The following RALYL variants were observed in gnomAD, a reference collection of about 807,000 sequenced individuals.
The protein encoded by RALYL is RNA-binding Raly-like protein.
RALYL carries 29 observed loss-of-function variants against 35.1 expected under a neutral mutation model. That is an observed-to-expected ratio of 0.83 (90% confidence interval 0.61 to 1.13). The LOEUF is 1.13. Ranked by LOEUF, RALYL falls within the 50% of genes most tolerant of loss-of-function variation. The pLI is 0.00. For missense variants in RALYL, 359 were observed against 360.4 expected (o/e 1.00, Z 0.03); for synonymous variants, 120 against 127.6 (o/e 0.94, Z 0.40).
intron 2 of RALYL, among the ~76,000 whole-genome samples, chr8:84,671,802 C>CT (rs1833308241): frequency 1.3e-5 from 2 of 152,268 alleles, no homozygotes; most frequent in African/African-American, 4.8e-5. Flanking sequence ...GGAGGGGCTG[C>CT]TGGAAGGTCT....
At chr8:84,566,309 T>C (rs937399693) in intron 2 of RALYL, among the ~76,000 whole-genome samples, 5 of 151,384 alleles carry the variant, frequency 3.3e-5, no homozygotes, top group Non-Finnish European at 7.4e-5. Context: ...ATTCAAACTA[T>C]GGAAAAAGTT....
intron 1 of RALYL, among the ~76,000 whole-genome samples, chr8:84,224,203 C>T (rs1823258831): frequency 6.6e-6 from 1 of 152,170 alleles, no homozygotes. Flanking sequence ...ATATTTTCGT[C>T]CACATCAGAA....
At chr8:84,706,201 T>C in intron 2 of RALYL, 1 of 767,652 alleles carries the variant, frequency 1.3e-6, no homozygotes, top group East Asian at 2.7e-5. Context: ...CTAACCTTTA[T>C]CTTTATTCCT....
chr8:84,596,281 T>C (rs938023968), intron 2 of RALYL, among the ~76,000 whole-genome samples: 1 of 152,254 alleles, frequency 6.6e-6, no homozygotes, highest in Non-Finnish European at 1.5e-5. Flanking sequence ...TCACTATCTA[T>C]ACTTCAGTTG....
intron 1 of RALYL, among the ~76,000 whole-genome samples, chr8:84,390,574 A>G (rs892157900): frequency 6.6e-6 from 1 of 151,918 alleles, no homozygotes; most frequent in African/African-American, 2.4e-5. Flanking sequence ...GTCTTGGGAG[A>G]CTGTATGTGT....
At chr8:84,610,544 A>G (rs1818080708) in intron 2 of RALYL, among the ~76,000 whole-genome samples, 1 of 152,038 alleles carries the variant, frequency 6.6e-6, no homozygotes, top group Admixed American at 6.6e-5. Flanking sequence ...TTTCCACTGT[A>G]ATGTTATTCT....
chr8:84,449,881 C>T (rs2049262985), intron 1 of RALYL, among the ~76,000 whole-genome samples: 1 of 151,864 alleles, frequency 6.6e-6, no homozygotes, highest in Admixed American at 6.6e-5. Flanking sequence ...ATCATTATTG[C>T]ATTTACCACA....
intron 1 of RALYL, among the ~76,000 whole-genome samples, chr8:84,508,742 G>A (rs567687817): frequency 1.3e-5 from 2 of 151,992 alleles, no homozygotes; most frequent in African/African-American, 4.8e-5. Flanking sequence ...TCTACTTGGA[G>A]GAAATTGAGA....
chr8:84,674,904 G>C (rs1307079634), intron 2 of RALYL, among the ~76,000 whole-genome samples: 1 of 151,154 alleles, frequency 6.6e-6, no homozygotes, highest in Non-Finnish European at 1.5e-5. Flanking sequence ...AGTTAAAGTT[G>C]TTTCTTGGAT....
chr8:84,782,760 A>G (rs578164413), intron 3 of RALYL, among the ~76,000 whole-genome samples: 6 of 152,276 alleles, frequency 3.9e-5, no homozygotes, highest in African/African-American at 1.2e-4. Flanking sequence ...ATGCTAGGTC[A>G]TTGCGCAAGT....
At chr8:84,835,572 A>T (rs1195756463) in intron 4 of RALYL, among the ~76,000 whole-genome samples, 1 of 149,888 alleles carries the variant, frequency 6.7e-6, no homozygotes, top group Non-Finnish European at 1.5e-5. Flanking sequence ...AATCCCAGCT[A>T]CTCGGGAGGC....
chr8:84,684,020 C>G (rs757893812), intron 2 of RALYL, among the ~76,000 whole-genome samples: 2 of 152,080 alleles, frequency 1.3e-5, no homozygotes, highest in Non-Finnish European at 2.9e-5. Context: ...TGTTTTTGAT[C>G]AGAGCATGGT....
chr8:84,292,105 A>G (rs998875448), intron 1 of RALYL, among the ~76,000 whole-genome samples: 2 of 152,028 alleles, frequency 1.3e-5, no homozygotes, highest in African/African-American at 4.8e-5. Flanking sequence ...TGAATTTTGG[A>G]TATAATAAAA....
At chr8:84,237,968 A>G (rs1305397838) in intron 1 of RALYL, among the ~76,000 whole-genome samples, 1 of 147,484 alleles carries the variant, frequency 6.8e-6, no homozygotes, top group Non-Finnish European at 1.5e-5. Flanking sequence ...CTATTAAAAT[A>G]TGAATCTAAA....
intron 8 of RALYL, among the ~76,000 whole-genome samples, chr8:84,910,663 T>C (rs187382480): frequency 1.6e-4 from 25 of 152,210 alleles, no homozygotes; most frequent in African/African-American, 5.3e-4. Context: ...ATCATGTGCA[T>C]AGCTTCTCAC....
At chr8:84,458,257 A>T (rs968131569) in intron 1 of RALYL, among the ~76,000 whole-genome samples, 1 of 151,882 alleles carries the variant, frequency 6.6e-6, no homozygotes, top group African/African-American at 2.4e-5. Flanking sequence ...GTCAAAGATG[A>T]TAAATGTGTA....
At chr8:84,234,335 T>C (rs2131471819) in intron 1 of RALYL, among the ~76,000 whole-genome samples, 1 of 151,504 alleles carries the variant, frequency 6.6e-6, no homozygotes, top group South Asian at 2.1e-4. Flanking sequence ...TACCTTTATA[T>C]ATGTATTTTC....
At chr8:84,490,078 C>CGTGTGTGTGT (rs749952859) in intron 1 of RALYL, among the ~76,000 whole-genome samples, 15 of 91,846 alleles carry the variant, frequency 1.6e-4, no homozygotes, top group South Asian at 5.5e-4. Flanking sequence ...TGCTTGCGTG[C>CGTGTGTGTGT]ATGTGTGTGT....
At chr8:84,471,618 A>G (rs1247403385) in intron 1 of RALYL, among the ~76,000 whole-genome samples, 2 of 152,132 alleles carry the variant, frequency 1.3e-5, no homozygotes, top group Non-Finnish European at 1.5e-5. Flanking sequence ...CACAGGACAC[A>G]CAGAATTGTA....
Sources: allele counts gnomAD v4.1 joint callset (sites outside exome capture counted in the v4.1 genomes callset), GRCh38; gene constraint gnomAD v4.1.1; transcripts MANE v1.5; gene names NCBI Gene and HGNC (gene_info 2026-07-23, HGNC 2026-07-21).